CENPP: variants seen among roughly 807,000 people sequenced by gnomAD.
The protein encoded by CENPP is centromere protein P.
CENPP carries 24 observed loss-of-function variants against 35.6 expected under a neutral mutation model. That is an observed-to-expected ratio of 0.67 (90% CI 0.49 to 0.95). CENPP has a LOEUF of 0.95. Ranked by LOEUF, CENPP falls within the 40% of genes least tolerant of loss-of-function variation. CENPP has a pLI of 0.00. For missense variants in CENPP, 332 were observed against 345.3 expected, an observed-to-expected ratio of 0.96 and a Z score of 0.31; for synonymous variants, 120 against 125.5, an observed-to-expected ratio of 0.96 and a Z score of 0.29.
intron 5 of CENPP, among the ~76,000 whole-genome samples, chr9:92,438,916 A>C (rs1378680301): frequency 1.3e-5 from 2 of 152,192 alleles, no homozygotes; most frequent in Non-Finnish European, 2.9e-5. Context: ...GCATTACTGC[A>C]CTCCAGCCTG....
intron 5 of CENPP, chr9:92,390,039 C>A: frequency 6.3e-7 from 1 of 1,597,792 alleles, no homozygotes; most frequent in South Asian, 1.1e-5. Flanking sequence ...CCTGTAAAAT[C>A]GAGTCTTCTT....
In CENPP at chr9:92,616,214, G is replaced by A. The variant is rs1174834814; in HGVS notation, c.*3065G>A. 2 of 593,868 alleles carry A rather than the reference G, an allele frequency of 3.4e-6. No homozygotes were observed. The highest frequency in any genetic ancestry group is 3.7e-5 in the African/African-American group (2 of 53,660). The allele number at this position is 593,868 out of a possible 1,614,324, so 36.8% of individuals were successfully genotyped here. On this transcript the variant is annotated 3_prime_UTR_variant, in exon 8 of 8. Transcript: ENST00000375587. ...AATCAATCTCTTTTAAAAGAGAAGT[G>A]AATGGCCTCACACCCCAGCTCACAA...
rs1847562048 is a variant in CENPP, at chr9:92,514,531, T to C, written c.565-96783T>C. The C allele has an allele frequency of 2.8e-6, 4 of 1,450,638 alleles. No individual in the cohort carries two copies. The South Asian group carries it at 6.2e-5, about 22-fold the overall frequency. 89.9% of individuals were successfully genotyped at this position (1,450,638 alleles called of 1,614,324 possible). ...CTCAGGTGATCTGGCCACCTCAGCC[T>C]TTCAAAGTGCTGAGATTATAGGCGT... On this transcript the variant is annotated intron_variant, in intron 5 of 7. Transcript: ENST00000375587.
In CENPP at chr9:92,352,510, CATATATATATATATATATATATATAT is replaced by C. The variant is rs67070835; in HGVS notation, c.467+6727_467+6752del. Among the ~76,000 whole-genome samples, 4 of 50,454 alleles carry C rather than the reference CATATATATATATATATATATATATAT, an allele frequency of 7.9e-5. No individual in the cohort carries two copies. In the Admixed American group the frequency reaches 8.4e-4, roughly 11 times the overall value. 33.1% of individuals were successfully genotyped at this position (50,454 alleles called of 152,430 possible). A position where few individuals can be genotyped will look rare whatever the true frequency, so the allele number is the denominator to read the frequency against. ...GTGTGTGTGTGTGTGTGTGTGTATA[CATATATATATATATATATATATATAT>C]ATAATATAACGGGGAGTTTATTAAA... On this transcript the variant is annotated intron_variant, in intron 4 of 7. Transcript: ENST00000375587.
chr9:92,425,325 T>G (rs1362376531), intron 5 of CENPP, among the ~76,000 whole-genome samples: 1 of 152,218 alleles, frequency 6.6e-6, no homozygotes, highest in Admixed American at 6.5e-5. Context: ...CACAAAATAA[T>G]TCTGTAGTAT....
intron 5 of CENPP, chr9:92,416,710 T>C (rs1221376410): frequency 2.5e-6 from 4 of 1,613,356 alleles, no homozygotes; most frequent in Non-Finnish European, 2.5e-6. Context: ...CACTGAGTTC[T>C]ACAATGTTGG....
intron 5 of CENPP, among the ~76,000 whole-genome samples, chr9:92,393,913 A>G (rs1842787993): frequency 6.6e-6 from 1 of 152,070 alleles, no homozygotes; most frequent in Admixed American, 6.6e-5. Flanking sequence ...AAAGCACATG[A>G]TATCTGTTTA....
intron 5 of CENPP, among the ~76,000 whole-genome samples, chr9:92,603,796 T>C (rs1850995762): frequency 6.6e-6 from 1 of 152,128 alleles, no homozygotes; most frequent in Non-Finnish European, 1.5e-5. Flanking sequence ...CCCTGCTTTC[T>C]CCCACATCTT....
chr9:92,584,745 T>C (rs960242392), intron 5 of CENPP, among the ~76,000 whole-genome samples: 2 of 152,244 alleles, frequency 1.3e-5, no homozygotes, highest in Non-Finnish European at 2.9e-5. Context: ...AGTCTTTAAA[T>C]TAAAACATCT....
intron 4 of CENPP, among the ~76,000 whole-genome samples, chr9:92,376,136 C>T (rs931417501): frequency 6.6e-6 from 1 of 152,198 alleles, no homozygotes. Context: ...CTCTTCTAAG[C>T]ATGCATTCTG....
intron 5 of CENPP, chr9:92,386,391 A>G (rs1407307496): frequency 1.3e-6 from 1 of 749,250 alleles, no homozygotes; most frequent in Non-Finnish European, 2.4e-6. Context: ...ATATGTCTAT[A>G]TATACAGACT....
At chr9:92,605,608 G>A (rs1025566436) in intron 5 of CENPP, among the ~76,000 whole-genome samples, 9 of 152,154 alleles carry the variant, frequency 5.9e-5, no homozygotes, top group African/African-American at 2.2e-4. Flanking sequence ...CAAAAGAATG[G>A]AGCTGGACCC....
rs79320221 is a variant in CENPP at position 92,533,443 on chromosome 9, C to T, written c.565-77871C>T. 4.6e-3 allele frequency among the ~76,000 whole-genome samples: 681 copies of T among 146,722 alleles called. 4 individuals carry two copies. The highest frequency in any genetic ancestry group is 0.015 in the African/African-American group (583 of 39,616). ...TTGTTTGTTTGTTTCTCTCTGTCCT[C>T]CTGAGGCTGTTTTAAAACTCTATTA... On this transcript the variant is annotated intron_variant, in intron 5 of 7. Coordinates refer to ENST00000375587, the MANE Select transcript of CENPP (RefSeq NM_001012267.3).
At chr9:92,500,865 A>C in intron 5 of CENPP, 1 of 1,614,226 alleles carries the variant, frequency 6.2e-7, no homozygotes, top group Non-Finnish European at 8.5e-7. Context: ...GACACGGTCC[A>C]TGCCATCATC....
intron 5 of CENPP, among the ~76,000 whole-genome samples, chr9:92,550,662 C>G (rs1174633379): frequency 3.3e-5 from 5 of 151,738 alleles, no homozygotes; most frequent in African/African-American, 1.2e-4. Context: ...AGGGTTGAGG[C>G]AAGAGTACAA....
At chr9:92,521,750 A>G (rs1264714508) in intron 5 of CENPP, among the ~76,000 whole-genome samples, 2 of 152,212 alleles carry the variant, frequency 1.3e-5, no homozygotes, top group Admixed American at 6.5e-5. Flanking sequence ...TATAAAATCA[A>G]TTCAGTGGCT....
chr9:92,383,623 G>A (rs191541824), intron 5 of CENPP, among the ~76,000 whole-genome samples: 14 of 151,864 alleles, frequency 9.2e-5, no homozygotes, highest in African/African-American at 3.1e-4. Context: ...GGTATAATTT[G>A]TATTGTTTAT....
At chr9:92,592,066 TACAGA>T (rs1190934039) in intron 5 of CENPP, among the ~76,000 whole-genome samples, 5 of 151,786 alleles carry the variant, frequency 3.3e-5, no homozygotes, top group Non-Finnish European at 7.4e-5. Flanking sequence ...AAAATAGACA[TACAGA>T]AAAGAGCATA....
intron 5 of CENPP, among the ~76,000 whole-genome samples, chr9:92,383,144 C>T (rs1360888277): frequency 4.6e-5 from 7 of 152,050 alleles, no homozygotes; most frequent in Non-Finnish European, 8.8e-5. Context: ...GTAATCCACC[C>T]GCCTCAGCCT....
Sources: gnomAD v4.1 joint callset for allele counts (sites outside exome capture counted in the v4.1 genomes callset) on GRCh38, gnomAD v4.1.1 for gene constraint, MANE v1.5 for transcripts, NCBI Gene and HGNC (gene_info 2026-07-23, HGNC 2026-07-21) for gene names.